The following BPTF variants were observed in gnomAD, a reference collection of about 807,000 sequenced individuals.
BPTF encodes nucleosome-remodeling factor subunit BPTF.
A neutral mutation model predicts 292.5 loss-of-function variants in BPTF; 18 were observed. The observed-to-expected ratio is 0.06, with a 90% CI of 0.04 to 0.09. The LOEUF is 0.09. BPTF is among the 10% of genes least tolerant of loss of function. The pLI is 1.00. For synonymous variants in BPTF, 1,225 were observed against 1,251.9 expected (o/e 0.98, Z 0.45); for missense variants, 2,726 against 3,498.7 (o/e 0.78, Z 5.57).
intron 19 of BPTF, 148 bp downstream of exon 19, chr17:67,940,804 TAGAC>T (rs1555671648): frequency 7.2e-6 from 6 of 835,178 alleles, no homozygotes; most frequent in East Asian, 5.4e-5. Flanking sequence ...AAATACCTCT[TAGAC>T]AGGATATAAT....
In BPTF at chr17:67,984,093, A is replaced by T. The variant is rs1346982533; in HGVS notation, c.*1805A>T. On this transcript the variant is annotated 3_prime_UTR_variant, in exon 28 of 28. Transcript: ENST00000306378. ...TTTTGTCCTTTTACTTTTTTAAAAA[A>T]TGTTACATATTGTATGCACTGTGCT... 1 of 152,626 alleles carries T rather than the reference A, an allele frequency of 6.6e-6. No individual in the cohort carries two copies. The highest frequency in any genetic ancestry group is 1.5e-5 in the Non-Finnish European group (1 of 68,030). 9.5% of individuals were successfully genotyped at this position (152,626 alleles called of 1,614,324 possible). A position where few individuals can be genotyped will look rare whatever the true frequency, so the allele number is the denominator to read the frequency against.
intron 21 of BPTF, among the ~76,000 whole-genome samples, chr17:67,947,080 G>A (rs1051942828): frequency 1.3e-5 from 2 of 152,164 alleles, no homozygotes; most frequent in African/African-American, 4.8e-5. Context: ...CTTAGCTATA[G>A]CCTCTTAAAA....
chr17:67,950,169 C>T (rs945079328), intron 23 of BPTF, among the ~76,000 whole-genome samples: 5 of 151,208 alleles, frequency 3.3e-5, no homozygotes, highest in Admixed American at 6.6e-5. Context: ...GAGGCCGAGG[C>T]GGGCAGATCA....
chr17:67,930,271 T>C (rs950846338), intron 17 of BPTF, among the ~76,000 whole-genome samples: 5 of 152,182 alleles, frequency 3.3e-5, no homozygotes, highest in African/African-American at 1.2e-4. Flanking sequence ...TGATCTCTGC[T>C]CACTGCAAAC....
intron 27 of BPTF, among the ~76,000 whole-genome samples, chr17:67,978,539 C>T (rs1387078282): frequency 3.3e-5 from 5 of 150,714 alleles, no homozygotes; most frequent in African/African-American, 7.3e-5. Context: ...CCTCGTGATC[C>T]GCCTGCCTCA....
In BPTF at chr17:67,944,190, G is replaced by A; in HGVS notation, c.6518G>A (p.Gly2173Asp). ...TTGACAGTAGTAATTCAAGGACAAG[G>A]TCAAACTACTGGACAGTTGCAGTTG... ...QGLTVVIQGQ[G>D]QTTGQLQLIP... Residue 2173 changes from glycine to aspartate, a missense_variant, in exon 20 of 28, where the codon GGT (glycine) becomes GAT (aspartate). Physicochemically the swap from Gly to Asp is moderately conservative, Grantham distance 94. Coordinates refer to ENST00000306378, the MANE Select transcript of BPTF (RefSeq NM_182641.4). The A allele has an allele frequency of 6.2e-7, 1 of 1,614,200 alleles. No homozygotes were observed. The highest frequency in any genetic ancestry group is 1.1e-5 in the South Asian group (1 of 91,086).
intron 9 of BPTF, among the ~76,000 whole-genome samples, chr17:67,908,192 T>A (rs1434063947): frequency 7.2e-5 from 11 of 152,308 alleles, no homozygotes; most frequent in African/African-American, 2.4e-4. Context: ...AGAGTCTTGC[T>A]CTGTCAGCCA....
chr17:67,840,675 A>G (rs1205726933), intron 1 of BPTF, among the ~76,000 whole-genome samples: 1 of 151,596 alleles, frequency 6.6e-6, no homozygotes, highest in African/African-American at 2.4e-5. Context: ...TGATCCTCCC[A>G]CTTCAGCCTC....
intron 1 of BPTF, among the ~76,000 whole-genome samples, chr17:67,852,918 C>T (rs1168028572): frequency 6.6e-6 from 1 of 152,194 alleles, no homozygotes; most frequent in Non-Finnish European, 1.5e-5. Flanking sequence ...GGTGGACCAC[C>T]TGAGGTCAGG....
In BPTF at chr17:67,959,721, A is replaced by T; in HGVS notation, c.8107A>T (p.Thr2703Ser). 1.9e-6 allele frequency: 3 copies of T among 1,590,518 alleles called. No homozygotes were observed. The highest frequency in any genetic ancestry group is 2.6e-6 in the Non-Finnish European group (3 of 1,172,880). Residue 2703 changes from threonine to serine, a missense_variant, in exon 24 of 28, where the codon ACC becomes TCC. Transcript: ENST00000306378. ...ACACACAGGCCTTCTGTCCACGCCC[A>T]CCTTACCTGCTGCTTCCCAGAAGAG... ...VQHTGLLSTPTLPAASQKRKR... is the reference protein window; with the variant it reads ...VQHTGLLSTPSLPAASQKRKR...
chr17:67,909,715 C>T lies in BPTF; in HGVS notation c.2946C>T (p.Asp982=). 1.3e-6 allele frequency: 2 copies of T among 1,588,002 alleles called. No individual in the cohort carries two copies. The highest frequency in any genetic ancestry group is 8.5e-7 in the Non-Finnish European group (1 of 1,170,340). Residue 982 remains aspartate (D), a synonymous_variant, in exon 10 of 28, where the codon GAC becomes GAT. Transcript: ENST00000306378. ...GTTCAGATGCTGCAAAAGGAGCAGACCAAAATGAAATGGATATCTCAAAGA... is the reference window on the plus strand; with the variant it reads ...GTTCAGATGCTGCAAAAGGAGCAGATCAAAATGAAATGGATATCTCAAAGA... ...VKGSDAAKGA[D]QNEMDISKIT...
intron 3 of BPTF, among the ~76,000 whole-genome samples, chr17:67,869,827 CAAAAAAAAAAAA>C (rs772941425): frequency 5.3e-5 from 3 of 56,446 alleles, no homozygotes; most frequent in Admixed American, 2.2e-4. Context: ...ACTAAAAATA[CAAAAAAAAAAAA>C]AAAAAAAAAA....
chr17:67,919,963 GTC>G, intron 12 of BPTF, 50 bp from the exon 13 acceptor site: 1 of 1,542,612 alleles, frequency 6.5e-7, no homozygotes, highest in Admixed American at 2.0e-5. Context: ...TACCTTTTTA[GTC>G]TCTGAGTATT....
intron 10 of BPTF, among the ~76,000 whole-genome samples, chr17:67,910,456 A>T (rs188886645): frequency 0.012 from 1,777 of 151,588 alleles, 22 homozygotes; most frequent in African/African-American, 0.018. Context: ...AGTCATTTTT[A>T]AAAAAAAACT....
intron 1 of BPTF, among the ~76,000 whole-genome samples, chr17:67,847,358 T>C (rs1364388512): frequency 6.6e-6 from 1 of 151,758 alleles, no homozygotes; most frequent in African/African-American, 2.4e-5. Flanking sequence ...CTACTAAAAA[T>C]AATAAATTAG....
chr17:67,888,161 A>G (rs962645220), intron 4 of BPTF, among the ~76,000 whole-genome samples: 2 of 152,220 alleles, frequency 1.3e-5, no homozygotes, highest in African/African-American at 4.8e-5. Context: ...ATACAATTCA[A>G]AAATGGTTCT....
chr17:67,944,486 T>C, intron 20 of BPTF, 114 bp downstream of exon 20: 3 of 1,212,792 alleles, frequency 2.5e-6, no homozygotes, highest in South Asian at 2.8e-5. Flanking sequence ...CTCAAGCCAG[T>C]GACCTCAACA....
At position 67,825,832 on chromosome 17, in the gene BPTF, C is replaced by T. The variant is rs2055940688; in HGVS notation, c.108C>T (p.Ile36=). 2.0e-6 allele frequency: 2 copies of T among 1,017,440 alleles called. No individual in the cohort carries two copies. The highest frequency in any genetic ancestry group is 5.8e-5 in the Admixed American group (1 of 17,128). 63.0% of individuals were successfully genotyped at this position (1,017,440 alleles called of 1,614,324 possible). A position where few individuals can be genotyped will look rare whatever the true frequency, so the allele number is the denominator to read the frequency against. Reference sequence around the variant, plus strand: ...CGCCGCCGCCCACGTCCGGACCCATCGGGGGGCTCCGCTCGCGGCACCGCG... The same window carrying T: ...CGCCGCCGCCCACGTCCGGACCCATTGGGGGGCTCCGCTCGCGGCACCGCG... ...PPPPPPTSGP[I]GGLRSRHRGS... is the part of the protein sequence containing the mutation. The change falls in exon 1 of 28, where the codon ATC becomes ATT. Residue 36 remains isoleucine, a synonymous_variant. Transcript: ENST00000306378.
chr17:67,925,306 A>G (rs1312165400), intron 15 of BPTF, among the ~76,000 whole-genome samples: 1 of 152,228 alleles, frequency 6.6e-6, no homozygotes, highest in Middle Eastern at 3.4e-3. Flanking sequence ...AAAACTCCAT[A>G]AGAGTTTGTT....
Sources: gnomAD v4.1 joint callset for allele counts (sites outside exome capture counted in the v4.1 genomes callset) on GRCh38, gnomAD v4.1.1 for gene constraint, MANE v1.5 for transcripts, NCBI Gene and HGNC (gene_info 2026-07-23, HGNC 2026-07-21) for gene names.